Variants in EDAR observed in about 807,000 individuals in gnomAD.
EDAR encodes the protein tumor necrosis factor receptor superfamily member EDAR.
Under a neutral mutation model 51.3 loss-of-function variants are expected in EDAR, and 38 were observed. The observed-to-expected ratio is 0.74, with a 90% confidence interval of 0.57 to 0.97. The LOEUF is 0.97. EDAR is among the 50% of genes least tolerant of loss of function. The pLI, the probability that EDAR is intolerant of heterozygous loss-of-function variation, is 0.00. For missense variants in EDAR, 528 were observed against 595.0 expected (o/e 0.89, Z 1.17); for synonymous variants, 227 against 242.1 (o/e 0.94, Z 0.58).
At chr2:108,919,644 C>T (rs540935966) in intron 5 of EDAR, among the ~76,000 whole-genome samples, 8 of 152,188 alleles carry the variant, frequency 5.3e-5, no homozygotes, top group Non-Finnish European at 8.8e-5. Flanking sequence ...AGGTGTGAGC[C>T]ACTGCGCCTG....
intron 1 of EDAR, among the ~76,000 whole-genome samples, chr2:108,938,943 C>T (rs1436103710): frequency 2.6e-5 from 4 of 151,994 alleles, no homozygotes; most frequent in Non-Finnish European, 5.9e-5. Context: ...CCACATCCAA[C>T]TAATTTTTGT....
In EDAR at chr2:108,894,510, G is replaced by A. The variant is rs1395329884; in HGVS notation, c.*2397C>T. ...TTATTGAGATTATAAAATATAATAA[G>A]TTATATATATACAGAATTAGACAAA... is the stretch of plus-strand genomic sequence containing the variant. On this transcript the variant is annotated 3_prime_UTR_variant, in exon 12 of 12. Transcript: ENST00000258443. The A allele has an allele frequency of 6.6e-6, 1 of 151,984 alleles. No homozygotes were observed. Among genetic ancestry groups the A allele is most frequent in the Non-Finnish European group, 1.5e-5 (1 of 67,990 alleles). The allele number at this position is 151,984 out of a possible 1,614,324, so 9.4% of individuals were successfully genotyped here.
chr2:108,929,054 T>C (rs563560960), intron 4 of EDAR, 144 bp downstream of exon 4: 2 of 955,926 alleles, frequency 2.1e-6, no homozygotes, highest in African/African-American at 1.6e-5. Flanking sequence ...ATGCTGCTCC[T>C]TGTGGGATGG....
intron 1 of EDAR, among the ~76,000 whole-genome samples, chr2:108,984,515 C>T (rs1169986302): frequency 6.6e-6 from 1 of 152,168 alleles, no homozygotes; most frequent in African/African-American, 2.4e-5. Context: ...GCAGCATGGC[C>T]TTCCTGCTGG....
In EDAR at chr2:108,930,195, C is replaced by T. The variant is rs563123794; in HGVS notation, c.99G>A (p.Glu33=). ...CCGTAGTCTGGTTGTAGTACTCGTT[C>T]TCACCGCAGTTTGAGTATTCCGCTC... The part of the protein sequence containing the change: ...SARAEYSNCG[E]NEYYNQTTGL... Residue 33 remains glutamate (E), a synonymous_variant, in exon 3 of 12, where the codon GAG becomes GAA. Transcript: ENST00000258443. 2.5e-6 allele frequency: 4 copies of T among 1,614,008 alleles called. No homozygotes were observed. Among genetic ancestry groups the T allele is most frequent in the Non-Finnish European group, 2.5e-6 (3 of 1,180,048 alleles).
intron 1 of EDAR, among the ~76,000 whole-genome samples, chr2:108,939,052 A>G (rs1574392669): frequency 6.6e-6 from 1 of 151,992 alleles, no homozygotes; most frequent in Non-Finnish European, 1.5e-5. Flanking sequence ...TGCTGGGATT[A>G]CAGGCATGAG....
chr2:108,943,295 G>C (rs1308021939), intron 1 of EDAR, among the ~76,000 whole-genome samples: 1 of 152,194 alleles, frequency 6.6e-6, no homozygotes, highest in African/African-American at 2.4e-5. Context: ...AAAGGGCTCT[G>C]CTGCACCCTG....
At chr2:108,919,311 C>G (rs1697087906) in intron 5 of EDAR, among the ~76,000 whole-genome samples, 1 of 152,218 alleles carries the variant, frequency 6.6e-6, no homozygotes, top group Non-Finnish European at 1.5e-5. Flanking sequence ...GATAAGAAAA[C>G]AGCTGCCAGG....
At chr2:108,938,291 A>G (rs1185319640) in intron 1 of EDAR, among the ~76,000 whole-genome samples, 2 of 152,244 alleles carry the variant, frequency 1.3e-5, no homozygotes, top group African/African-American at 4.8e-5. Context: ...GCCTAAAAAC[A>G]TTTCTGAACA....
intron 1 of EDAR, among the ~76,000 whole-genome samples, chr2:108,933,881 C>T (rs1697417975): frequency 6.6e-6 from 1 of 152,092 alleles, no homozygotes; most frequent in African/African-American, 2.4e-5. Flanking sequence ...CTCCCAGCAG[C>T]CCTGGACTTG....
chr2:108,939,016 G>C (rs1187637228), intron 1 of EDAR, among the ~76,000 whole-genome samples: 1 of 152,034 alleles, frequency 6.6e-6, no homozygotes, highest in Non-Finnish European at 1.5e-5. Flanking sequence ...CTGACCTCAT[G>C]ATCTGCCCAC....
chr2:108,919,410 G>T (rs1347317945), intron 5 of EDAR, among the ~76,000 whole-genome samples: 1 of 152,172 alleles, frequency 6.6e-6, no homozygotes, highest in Non-Finnish European at 1.5e-5. Flanking sequence ...CCAGGCTGGA[G>T]TGCAATGGCG....
intron 1 of EDAR, among the ~76,000 whole-genome samples, chr2:108,967,993 C>T (rs1357526701): frequency 3.3e-5 from 5 of 152,142 alleles, no homozygotes; most frequent in Non-Finnish European, 7.3e-5. Context: ...CAGAACAGGA[C>T]GCGTGGAGAG....
chr2:108,966,027 G>A (rs952292841), intron 1 of EDAR, among the ~76,000 whole-genome samples: 1 of 152,166 alleles, frequency 6.6e-6, no homozygotes. Flanking sequence ...AACTGGGGCT[G>A]TTAATACCAC....
chr2:108,901,880 T>C (rs1696706665), intron 11 of EDAR, among the ~76,000 whole-genome samples: 1 of 151,768 alleles, frequency 6.6e-6, no homozygotes, highest in South Asian at 2.1e-4. Context: ...GAGGTGGGTA[T>C]ATTGCTTGAG....
chr2:108,946,893 C>CT (rs1697723434), intron 1 of EDAR, among the ~76,000 whole-genome samples: 2 of 126,534 alleles, frequency 1.6e-5, no homozygotes, highest in African/African-American at 7.3e-5. Flanking sequence ...TCCCAAATCT[C>CT]ATCTTTTTTT....
At chr2:108,974,827 C>G (rs1698294587) in intron 1 of EDAR, among the ~76,000 whole-genome samples, 1 of 152,174 alleles carries the variant, frequency 6.6e-6, no homozygotes, top group Admixed American at 6.5e-5. Flanking sequence ...AATGGCAGAG[C>G]TGGGGTCTAG....
At chr2:108,982,473 T>C (rs1258272663) in intron 1 of EDAR, among the ~76,000 whole-genome samples, 2 of 152,248 alleles carry the variant, frequency 1.3e-5, no homozygotes, top group Admixed American at 1.3e-4. Context: ...GTTCTGTTTA[T>C]TCTGTAAACA....
chr2:108,957,125 C>A (rs1283767754), intron 1 of EDAR, among the ~76,000 whole-genome samples: 1 of 152,234 alleles, frequency 6.6e-6, no homozygotes, highest in Non-Finnish European at 1.5e-5. Flanking sequence ...ACTTGCAGTT[C>A]TACACTTTCC....
Sources: allele counts gnomAD v4.1 joint callset (sites outside exome capture counted in the v4.1 genomes callset), GRCh38; gene constraint gnomAD v4.1.1; transcripts MANE v1.5; gene names NCBI Gene and HGNC (gene_info 2026-07-23, HGNC 2026-07-21).